PLCG1: variants seen among roughly 807,000 people sequenced by gnomAD.
The protein encoded by PLCG1 is 1-phosphatidylinositol 4,5-bisphosphate phosphodiesterase gamma-1.
In PLCG1, 71 loss-of-function variants were observed where a neutral mutation model predicts 177.8. The ratio of observed to expected loss-of-function variants is 0.40; its 90% CI spans 0.33 to 0.49. The LOEUF (loss-of-function observed/expected upper bound fraction) is 0.49. Ranked by LOEUF, PLCG1 falls within the 20% of genes least tolerant of loss-of-function variation. The pLI, the probability that PLCG1 is intolerant of heterozygous loss-of-function variation, is 0.72. For synonymous variants in PLCG1, 658 were observed against 647.9 expected (o/e 1.02, Z -0.24); for missense variants, 1,281 against 1,709.0 (o/e 0.75, Z 4.42).
At chr20:41,161,829 C>T (rs1178229273) in intron 4 of PLCG1, among the ~76,000 whole-genome samples, 3 of 151,932 alleles carry the variant, frequency 2.0e-5, no homozygotes, top group Non-Finnish European at 2.9e-5. Flanking sequence ...CTGGGCAGGA[C>T]ACCCCTGGAG....
rs2035435813 is a variant in PLCG1 at position 41,159,773 on chromosome 20, G to C, written c.370+15G>C. On this transcript the variant is annotated intron_variant, in intron 2 of 31. Transcript: ENST00000685551. This position sits in a 1 kb window ranked among gnomAD's most constrained non-coding sequence, Gnocchi z 6.0. The stretch of plus-strand genomic sequence containing the variant: ...GAGCCTGCAAGGTGGGAGTTAAGGG[G>C]GTAGAGGAGGTAGAGGATAGTTAGG... The C allele has an allele frequency of 1.9e-6, 3 of 1,613,980 alleles. No homozygotes were observed. Among genetic ancestry groups the C allele is most frequent in the Non-Finnish European group, 2.5e-6 (3 of 1,179,970 alleles).
In PLCG1 at chr20:41,163,227, C is replaced by T. The variant is rs775188816; in HGVS notation, c.741C>T (p.Cys247=). 1.3e-6 allele frequency: 2 copies of T among 1,547,936 alleles called. No individual in the cohort carries two copies. Among genetic ancestry groups the T allele is most frequent in the Non-Finnish European group, 8.7e-7 (1 of 1,149,592 alleles). Residue 247 remains cysteine, a synonymous_variant, in exon 8 of 32, where the codon TGC becomes TGT. Coordinates refer to ENST00000685551, the MANE Select transcript of PLCG1 (RefSeq NM_002660.3). This position sits in a 1 kb window ranked among gnomAD's most constrained non-coding sequence, Gnocchi z 5.2. The part of the protein sequence containing the change: ...TLRAGERPEL[C]RVSLPEFQQF... ...GGGCTGGGGAGCGGCCGGAGCTTTG[C>T]CGAGTGTCCCTTCCTGAGTTCCAGC...
Position 41,175,783 on chromosome 20 carries a change from G to GAAAC in PLCG1, c.*1276_*1279dup, listed in dbSNP as rs1258017773. The GAAAC allele has an allele frequency of 6.5e-5, 10 of 152,746 alleles. No individual in the cohort carries two copies. The East Asian group carries it at 1.5e-3, about 24-fold the overall frequency. The allele number at this position is 152,746 out of a possible 1,614,324, so 9.5% of individuals were successfully genotyped here. The stretch of plus-strand genomic sequence containing the variant: ...CCTGTTGCATGGGACATGCTCACTA[G>GAAAC]AAACAGTCGCCAGATGATTATTCTG... On this transcript the variant is annotated 3_prime_UTR_variant, in exon 32 of 32. Coordinates refer to ENST00000685551, the MANE Select transcript of PLCG1 (RefSeq NM_002660.3).
rs1568761694 is a variant in PLCG1, at chr20:41,174,472, C to T, written c.3839C>T (p.Pro1280Leu). The T allele has an allele frequency of 6.3e-7, 1 of 1,589,210 alleles. No individual in the cohort carries two copies. The highest frequency in any genetic ancestry group is 1.8e-5 in the Admixed American group (1 of 56,940). The change falls in exon 32 of 32, where the codon CCA (proline) becomes CTA (leucine). Residue 1280 changes from proline to leucine, a missense_variant. Pro to Leu is a moderately conservative substitution (Grantham distance 98). This residue lies in a region of PLCG1 where 153 missense variants were observed against 153.2 expected (regional missense o/e 1.00). Transcript: ENST00000685551. The surrounding 1 kb of genome is among the most constrained non-coding windows in gnomAD (Gnocchi z 5.8). ...DHFDSRERRA[P>L]RRTRVNGDNR... ...CACTCTTCCCTTCTGTCCAGGGCCC[C>T]AAGAAGGACTCGGGTCAATGGAGAC...
In PLCG1 at chr20:41,172,893, C is replaced by G; in HGVS notation, c.3279+16C>G. On this transcript the variant is annotated intron_variant, in intron 27 of 31. Transcript: ENST00000685551. The surrounding 1 kb of genome is among the most constrained non-coding windows in gnomAD (Gnocchi z 7.0). ...CTCTATTGAGGTGGGTGCTGCTCAT[C>G]TGGGCTTCAGGGTAGGAAAGGGGCT... 1 of 1,611,906 alleles carries G rather than the reference C, an allele frequency of 6.2e-7. No homozygotes were observed. The highest frequency in any genetic ancestry group is 8.5e-7 in the Non-Finnish European group (1 of 1,178,596).
At position 41,165,512 on chromosome 20, in the gene PLCG1, C is replaced by T. The variant is rs1421618318; in HGVS notation, c.1572C>T (p.Ser524=). 2 of 1,613,882 alleles carry T rather than the reference C, an allele frequency of 1.2e-6. No homozygotes were observed. The highest frequency in any genetic ancestry group is 1.3e-5 in the African/African-American group (1 of 74,916). The change falls in exon 15 of 32, where the codon AGC becomes AGT. Residue 524 remains serine, a synonymous_variant. Transcript: ENST00000685551. The surrounding 1 kb of genome is among the most constrained non-coding windows in gnomAD (Gnocchi z 6.6). ...AGATCTACTACTCTGAGGAGACCAG[C>T]AGTGACCAGGGCAACGAGGATGAGG... ...SSKIYYSEET[S]SDQGNEDEEE... is the part of the protein sequence containing the mutation.
At chr20:41,170,415 G>T in intron 24 of PLCG1, 146 bp downstream of exon 24, 1 of 732,100 alleles carries the variant, frequency 1.4e-6, no homozygotes, top group East Asian at 2.7e-5. Context: ...CTTAGCTAGG[G>T]ATTGAGAAGA....
In PLCG1 at chr20:41,147,670, G is replaced by A. The variant is rs778384527; in HGVS notation, c.217+9812G>A. ...TCAAGACCAGCCTGGCTAAGATGGT[G>A]AAATCCCATCTCTACTAAAAATACA... On this transcript the variant is annotated intron_variant, in intron 1 of 31. Coordinates refer to ENST00000685551, the MANE Select transcript of PLCG1 (RefSeq NM_002660.3). This position sits in a 1 kb window ranked among gnomAD's most constrained non-coding sequence, Gnocchi z 4.0. 3.9e-5 allele frequency among the ~76,000 whole-genome samples: 6 copies of A among 152,252 alleles called. No individual in the cohort carries two copies. The highest frequency in any genetic ancestry group is 6.8e-3 in the Middle Eastern group (2 of 294).
chr20:41,163,961 G>C lies in PLCG1; in HGVS notation c.1051G>C (p.Glu351Gln). 6.2e-7 allele frequency: 1 copy of C among 1,614,164 alleles called. No individual in the cohort carries two copies. The change falls in exon 11 of 32, where the codon GAA becomes CAA. Residue 351 changes from glutamate (E) to glutamine (Q), a missense_variant. Physicochemically the swap from Glu to Gln is conservative, Grantham distance 29. This residue lies in a region of PLCG1 where 31 missense variants were observed against 82.1 expected (regional missense o/e 0.38). Transcript: ENST00000685551. The surrounding 1 kb of genome is among the most constrained non-coding windows in gnomAD (Gnocchi z 5.2). ...CCAGTTCTCCAGTGAGTCCTCCTTG[G>C]AAGCCTATGCTCGCTGCCTGCGGAT... Reference protein sequence around the residue: ...GDQFSSESSLEAYARCLRMGC... With the variant: ...GDQFSSESSLQAYARCLRMGC...
rs2035658688 is a variant in PLCG1, at chr20:41,165,631, CCT to C, written c.1612-7_1612-6del. 3.1e-6 allele frequency: 5 copies of C among 1,612,472 alleles called. No homozygotes were observed. Among genetic ancestry groups the C allele is most frequent in the South Asian group, 1.1e-5 (1 of 91,010 alleles). ...CACAGTATCTTTGCTGTTGCCTTCC[CCT>C]GACAGGTCAGCAGCAGCACAGAGCT... is the stretch of plus-strand genomic sequence containing the variant. On this transcript the variant is annotated splice_polypyrimidine_tract_variant and splice_region_variant and intron_variant, in intron 15 of 31. Coordinates refer to ENST00000685551, the MANE Select transcript of PLCG1 (RefSeq NM_002660.3). The surrounding 1 kb of genome is among the most constrained non-coding windows in gnomAD (Gnocchi z 6.6).
rs2035348825 is a variant in PLCG1, at chr20:41,157,202, CTCTGTG to C, written c.218-2402_218-2397del. Among the ~76,000 whole-genome samples, 1 of 59,318 alleles carries C rather than the reference CTCTGTG, an allele frequency of 1.7e-5. No individual in the cohort carries two copies. Among genetic ancestry groups the C allele is most frequent in the Non-Finnish European group, 3.0e-5 (1 of 33,640 alleles). 38.9% of individuals were successfully genotyped at this position (59,318 alleles called of 152,430 possible). ...ATGTGCAGGAGTGCAGGCCTGTTGA[CTCTGTG>C]TGTGTGTGTGTGTGTGTGTGTGTGT... On this transcript the variant is annotated intron_variant, in intron 1 of 31. Transcript: ENST00000685551. This position sits in a 1 kb window ranked among gnomAD's most constrained non-coding sequence, Gnocchi z 5.4.
rs201205160 is a variant in PLCG1, at chr20:41,166,741, A to G, written c.2183A>G (p.Asn728Ser). Residue 728 changes from asparagine (N) to serine (S), a missense_variant, in exon 19 of 32, where the codon AAC becomes AGC. By Grantham distance (46) the Asn-to-Ser change is conservative. Coordinates refer to ENST00000685551, the MANE Select transcript of PLCG1 (RefSeq NM_002660.3). This position sits in a 1 kb window ranked among gnomAD's most constrained non-coding sequence, Gnocchi z 8.6. Reference protein sequence around the residue: ...QQEGQTVMLGNSEFDSLVDLI... With the variant: ...QQEGQTVMLGSSEFDSLVDLI... The stretch of plus-strand genomic sequence containing the variant: ...GAGGGCCAGACAGTGATGCTAGGGA[A>G]CTCGGAGTTCGACAGCCTTGTTGAC... 36 of 1,614,002 alleles carry G rather than the reference A, an allele frequency of 2.2e-5. No individual in the cohort carries two copies. In the African/African-American group the frequency reaches 4.4e-4, roughly 20 times the overall value.
chr20:41,168,740 T>C, intron 20 of PLCG1, 27 bp from the exon 21 acceptor site: 1 of 1,449,764 alleles, frequency 6.9e-7, no homozygotes, highest in Non-Finnish European at 9.6e-7. Flanking sequence ...GCCTTTCTGC[T>C]CTGACTGGTG....
At chr20:41,141,901 C>T (rs900579064) in intron 1 of PLCG1, among the ~76,000 whole-genome samples, 1 of 152,232 alleles carries the variant, frequency 6.6e-6, no homozygotes, top group Non-Finnish European at 1.5e-5. Flanking sequence ...TACACAGATG[C>T]ACAGGATTCA....
rs2035716148 is a variant in PLCG1, at chr20:41,166,941, A to G, written c.2301+82A>G. 1 of 1,323,258 alleles carries G rather than the reference A, an allele frequency of 7.6e-7. No homozygotes were observed. Among genetic ancestry groups the G allele is most frequent in the Admixed American group, 1.7e-5 (1 of 57,858 alleles). The allele number at this position is 1,323,258 out of a possible 1,614,324, so 82.0% of individuals were successfully genotyped here. On this transcript the variant is annotated intron_variant, in intron 19 of 31. Coordinates refer to ENST00000685551, the MANE Select transcript of PLCG1 (RefSeq NM_002660.3). The surrounding 1 kb of genome is among the most constrained non-coding windows in gnomAD (Gnocchi z 8.6). ...TTACCAGTCTCTGGATGTGTGTAAC[A>G]GCAAGACCTGGTGTGTTGTAGAAGT... is the stretch of plus-strand genomic sequence containing the variant.
intron 22 of PLCG1, 78 bp downstream of exon 22, chr20:41,169,253 A>G (rs1197507343): frequency 1.8e-6 from 2 of 1,126,996 alleles, no homozygotes; most frequent in African/African-American, 1.5e-5. Context: ...CACAGTCCCA[A>G]GCACGCACGT....
At position 41,174,588 on chromosome 20, in the gene PLCG1, C is replaced by T; in HGVS notation, c.*79C>T. On this transcript the variant is annotated 3_prime_UTR_variant, in exon 32 of 32. Transcript: ENST00000685551. The surrounding 1 kb of genome is among the most constrained non-coding windows in gnomAD (Gnocchi z 5.8). ...CGCGAACTGGGTTCTTTGGAAGCAGCCCCCTGTGGCGGCCTTCCGGGTCTC... is the reference window on the plus strand; with the variant it reads ...CGCGAACTGGGTTCTTTGGAAGCAGTCCCCTGTGGCGGCCTTCCGGGTCTC... 7.6e-7 allele frequency: 1 copy of T among 1,313,748 alleles called. No homozygotes were observed. The highest frequency in any genetic ancestry group is 1.1e-6 in the Non-Finnish European group (1 of 931,660). 81.4% of individuals were successfully genotyped at this position (1,313,748 alleles called of 1,614,324 possible).
chr20:41,137,701 C>T lies in PLCG1; in HGVS notation c.60C>T (p.Ala20=), dbSNP rs2034643595. The change falls in exon 1 of 32, where the codon GCC becomes GCT. Residue 20 remains alanine, a synonymous_variant. Coordinates refer to ENST00000685551, the MANE Select transcript of PLCG1 (RefSeq NM_002660.3). This position sits in a 1 kb window ranked among gnomAD's most constrained non-coding sequence, Gnocchi z 7.3. ...NGCGPGAPSD[A]EVLHLCRSLE... is the part of the protein sequence containing the mutation. Reference sequence around the variant, plus strand: ...GCGGGCCCGGCGCGCCCTCGGACGCCGAGGTGCTGCACCTCTGCCGCAGCC... The same window carrying T: ...GCGGGCCCGGCGCGCCCTCGGACGCTGAGGTGCTGCACCTCTGCCGCAGCC... 1 of 1,317,124 alleles carries T rather than the reference C, an allele frequency of 7.6e-7. No homozygotes were observed. The highest frequency in any genetic ancestry group is 9.7e-7 in the Non-Finnish European group (1 of 1,030,610). The allele number at this position is 1,317,124 out of a possible 1,614,324, so 81.6% of individuals were successfully genotyped here.
At chr20:41,161,536 A>G (rs2035496315) in intron 4 of PLCG1, among the ~76,000 whole-genome samples, 1 of 152,132 alleles carries the variant, frequency 6.6e-6, no homozygotes, top group Non-Finnish European at 1.5e-5. Context: ...TCCTCACTGG[A>G]AAACAAGGAC....
Sources: allele counts gnomAD v4.1 joint callset (sites outside exome capture counted in the v4.1 genomes callset), GRCh38; gene constraint gnomAD v4.1.1; regional missense constraint gnomAD v4.1.1; non-coding constraint Gnocchi (gnomAD v3.1); transcripts MANE v1.5; gene names NCBI Gene and HGNC (gene_info 2026-07-23, HGNC 2026-07-21).